JAK1: variants seen among roughly 807,000 people sequenced by gnomAD.
JAK1 encodes the protein tyrosine-protein kinase JAK1.
In JAK1, 16 loss-of-function variants were observed where a neutral mutation model predicts 136.6. The ratio of observed to expected loss-of-function variants is 0.12; its 90% CI spans 0.08 to 0.18. The LOEUF (loss-of-function observed/expected upper bound fraction) is 0.18. Ranked by LOEUF, JAK1 falls within the 10% of genes least tolerant of loss-of-function variation. The probability of loss-of-function intolerance (pLI) is 1.00; values close to 1 mark genes in which losing one functional copy is unlikely to be tolerated. For synonymous variants in JAK1, 492 were observed against 519.5 expected (o/e 0.95, Z 0.72); for missense variants, 859 against 1,450.1 (o/e 0.59, Z 6.62).
intron 1 of JAK1, among the ~76,000 whole-genome samples, chr1:64,962,040 C>T (rs1465702843): frequency 6.6e-6 from 1 of 152,144 alleles, no homozygotes; most frequent in Non-Finnish European, 1.5e-5. Flanking sequence ...AAAGGAGTGC[C>T]ATGAAGGGTT....
At chr1:64,914,529 G>C (rs969690804) in intron 1 of JAK1, among the ~76,000 whole-genome samples, 16 of 152,200 alleles carry the variant, frequency 1.1e-4, no homozygotes, top group Non-Finnish European at 1.9e-4. Context: ...TTAAGTGGTT[G>C]TAAGGATAAC....
At chr1:64,884,792 TC>T (rs1458118857) in intron 2 of JAK1, among the ~76,000 whole-genome samples, 1 of 152,208 alleles carries the variant, frequency 6.6e-6, no homozygotes, top group Non-Finnish European at 1.5e-5. Context: ...CCTAAGGCCC[TC>T]GCTTCTTGCT....
intron 1 of JAK1, among the ~76,000 whole-genome samples, chr1:64,944,221 CA>C (rs771660692): frequency 0.013 from 852 of 63,376 alleles, 4 homozygotes; most frequent in African/African-American, 0.04. Context: ...GACTCTGTCT[CA>C]AAAAAAAAAA....
intron 19 of JAK1, among the ~76,000 whole-genome samples, chr1:64,840,793 C>T (rs769437067): frequency 3.3e-5 from 5 of 151,738 alleles, no homozygotes; most frequent in Non-Finnish European, 7.4e-5. Flanking sequence ...GATCACACCA[C>T]TCACTCCAGC....
intron 1 of JAK1, among the ~76,000 whole-genome samples, chr1:65,063,867 T>C (rs1191839623): frequency 7.1e-6 from 1 of 140,318 alleles, no homozygotes; most frequent in Admixed American, 7.1e-5. Context: ...TGAAAAGGAG[T>C]AATGCAGGCC....
At chr1:65,062,041 G>A (rs75080455) in intron 1 of JAK1, among the ~76,000 whole-genome samples, 1,921 of 151,250 alleles carry the variant, frequency 0.013, 36 homozygotes, top group African/African-American at 0.044. Flanking sequence ...GGTCCATGTG[G>A]ACGAAAAAAA....
intron 5 of JAK1, among the ~76,000 whole-genome samples, chr1:64,870,019 C>T (rs1335413485): frequency 2.2e-5 from 3 of 133,650 alleles, no homozygotes; most frequent in Non-Finnish European, 4.7e-5. Flanking sequence ...CCAAAATATA[C>T]CCCCCCACTG....
At chr1:65,054,924 T>A (rs542366698) in intron 1 of JAK1, among the ~76,000 whole-genome samples, 64 of 152,338 alleles carry the variant, frequency 4.2e-4, no homozygotes, top group Middle Eastern at 6.8e-3. Flanking sequence ...AAACAGCAGT[T>A]ATCTTCACAC....
intron 9 of JAK1, among the ~76,000 whole-genome samples, chr1:64,858,002 G>C (rs1003477235): frequency 1.3e-5 from 2 of 152,172 alleles, no homozygotes; most frequent in Non-Finnish European, 2.9e-5. Context: ...AGAGGACTCA[G>C]ACTCCTGCCC....
intron 2 of JAK1, among the ~76,000 whole-genome samples, chr1:65,000,992 T>C (rs895699798): frequency 2.6e-5 from 4 of 151,660 alleles, no homozygotes; most frequent in Admixed American, 2.6e-4. Context: ...GAGCTCCAAC[T>C]CTACTAAGAG....
At position 64,839,638 on chromosome 1, in the gene JAK1, T is replaced by C. The variant is rs780015120; in HGVS notation, c.2807A>G (p.Asn936Ser). ...GCAGATTCCTTTGTACTTCACAATG[T>C]TCTCATGATAGAGGTTCCTTAAGAT... Reference protein sequence around the residue: ...IEILRNLYHENIVKYKGICTE... With the variant: ...IEILRNLYHESIVKYKGICTE... The change falls in exon 20 of 25, where the codon AAC becomes AGC. Residue 936 changes from asparagine (N) to serine (S), a missense_variant. Around this residue, in one of 4 missense-constraint regions of JAK1, gnomAD observed 409 missense variants for 753.8 expected, o/e 0.54. Coordinates refer to ENST00000342505, the MANE Select transcript of JAK1 (RefSeq NM_002227.4). The C allele has an allele frequency of 5.6e-6, 9 of 1,614,222 alleles. No individual in the cohort carries two copies. The highest frequency in any genetic ancestry group is 1.1e-5 in the South Asian group (1 of 91,086).
chr1:64,928,859 T>C (rs1183013985), intron 1 of JAK1, among the ~76,000 whole-genome samples: 1 of 150,526 alleles, frequency 6.6e-6, no homozygotes, highest in East Asian at 2.0e-4. Flanking sequence ...ATATTAATGA[T>C]TTTAGAGATT....
chr1:64,834,796 A>G (rs1654367032), intron 24 of JAK1, 139 bp from the exon 25 acceptor site: 2 of 612,292 alleles, frequency 3.3e-6, no homozygotes, highest in African/African-American at 1.9e-5. Flanking sequence ...AGAGTATTTG[A>G]ATAGTTTAAA....
intron 1 of JAK1, among the ~76,000 whole-genome samples, chr1:64,912,831 G>A (rs760608978): frequency 6.6e-5 from 10 of 152,172 alleles, no homozygotes; most frequent in Non-Finnish European, 1.3e-4. Context: ...ATGCATCAAA[G>A]GTAATTTTTT....
In JAK1 at chr1:64,966,509, C is replaced by T. The variant is rs1448456640; in HGVS notation, c.-254G>A. The T allele has an allele frequency of 1.1e-4, 16 of 150,486 alleles. No individual in the cohort carries two copies. Among genetic ancestry groups the T allele is most frequent in the African/African-American group, 2.4e-5 (1 of 41,212 alleles). 9.3% of individuals were successfully genotyped at this position (150,486 alleles called of 1,614,324 possible). A position where few individuals can be genotyped will look rare whatever the true frequency, so the allele number is the denominator to read the frequency against. On this transcript the variant is annotated 5_prime_UTR_variant, in exon 1 of 25. Transcript: ENST00000342505. ...CGCAGGCCCGCACTGTCTGCAGCTC[C>T]AGGATACTCCGCGGCCGCCGCGGCC...
chr1:64,888,901 G>A (rs1644891973), intron 1 of JAK1, among the ~76,000 whole-genome samples: 1 of 152,194 alleles, frequency 6.6e-6, no homozygotes, highest in South Asian at 2.1e-4. Flanking sequence ...TTGCCATTCT[G>A]ATGATAAAAA....
intron 1 of JAK1, among the ~76,000 whole-genome samples, chr1:64,906,892 C>T (rs528194417): frequency 2.6e-5 from 4 of 152,124 alleles, no homozygotes; most frequent in Admixed American, 6.5e-5. Context: ...TATACTACTA[C>T]CTTTCATGCC....
intron 2 of JAK1, among the ~76,000 whole-genome samples, chr1:65,013,903 A>T (rs1351039645): frequency 1.3e-5 from 2 of 152,218 alleles, no homozygotes; most frequent in East Asian, 3.8e-4. Flanking sequence ...AAAGAAATAA[A>T]AGATGAGCTT....
intron 2 of JAK1, among the ~76,000 whole-genome samples, chr1:64,995,557 G>T (rs951280591): frequency 1.3e-5 from 2 of 152,106 alleles, no homozygotes; most frequent in South Asian, 2.1e-4. Flanking sequence ...CTTTAATAAT[G>T]CGAAAATACT....
Sources: allele counts gnomAD v4.1 joint callset (sites outside exome capture counted in the v4.1 genomes callset), GRCh38; gene constraint gnomAD v4.1.1; regional missense constraint gnomAD v4.1.1; transcripts MANE v1.5; gene names NCBI Gene and HGNC (gene_info 2026-07-23, HGNC 2026-07-21).